The following SNX5 variants were observed in gnomAD, a reference collection of about 807,000 sequenced individuals.
SNX5 encodes sorting nexin-5.
SNX5 carries 31 observed loss-of-function variants against 53.9 expected under a neutral mutation model. That is an observed-to-expected ratio of 0.58 (90% CI 0.43 to 0.78). The LOEUF (loss-of-function observed/expected upper bound fraction) is 0.78, where lower values mean the gene tolerates loss of function less well. Among genes scored for constraint, SNX5 ranks in the 30% least tolerant of loss-of-function variants. The pLI is 0.00. For synonymous variants in SNX5, 168 were observed against 171.1 expected (o/e 0.98, Z 0.14); for missense variants, 471 against 478.8 (o/e 0.98, Z 0.15).
At position 17,968,683 on chromosome 20, in the gene SNX5, C is replaced by T. The variant is rs1370128268; in HGVS notation, c.-258G>A. On this transcript the variant is annotated 5_prime_UTR_variant, in exon 1 of 13. Transcript: ENST00000377759. ...CGTCCATCTTGGAGCCGGGCAAAGA[C>T]GCCACGTGGGGCCTACCCTTGCTCC... is the stretch of plus-strand genomic sequence containing the variant. 5.2e-6 allele frequency: 3 copies of T among 576,632 alleles called. 1 individual carries two copies. The highest frequency in any genetic ancestry group is 5.2e-5 in the South Asian group (3 of 58,068). 35.7% of individuals were successfully genotyped at this position (576,632 alleles called of 1,614,324 possible).
At chr20:17,947,296 C>A in intron 11 of SNX5, 190 bp downstream of exon 11, 1 of 564,082 alleles carries the variant, frequency 1.8e-6, no homozygotes, top group Non-Finnish European at 3.0e-6. Context: ...ACAGAAAAAC[C>A]AGGTGTGTAA....
intron 1 of SNX5, chr20:17,961,257 C>T (rs1468261933): frequency 1.1e-5 from 11 of 985,440 alleles, no homozygotes; most frequent in Non-Finnish European, 1.2e-5. Context: ...ATTTCACTTA[C>T]GACTCTACCA....
Position 17,956,856 on chromosome 20 carries a change from G to C in SNX5, c.156+77C>G, listed in dbSNP as rs924066517. 50 of 801,446 alleles carry C rather than the reference G, an allele frequency of 6.2e-5. No individual in the cohort carries two copies. In the Admixed American group the frequency reaches 8.3e-4, roughly 13 times the overall value. The allele number at this position is 801,446 out of a possible 1,614,324, so 49.6% of individuals were successfully genotyped here. ...GAATAGCAACTGTTTCAAGCTCAGG[G>C]AATCTCTTCTCACATCCACTGTGAA... On this transcript the variant is annotated intron_variant, in intron 2 of 12. Coordinates refer to ENST00000377759, the MANE Select transcript of SNX5 (RefSeq NM_014426.4).
intron 1 of SNX5, among the ~76,000 whole-genome samples, chr20:17,964,240 G>T (rs2035502038): frequency 6.6e-6 from 1 of 152,164 alleles, no homozygotes; most frequent in African/African-American, 2.4e-5. Flanking sequence ...CCTGACAAGG[G>T]AGCCATCTGG....
At position 17,955,270 on chromosome 20, in the gene SNX5, C is replaced by T. The variant is rs2035333826; in HGVS notation, c.267+95G>A. 3 of 821,150 alleles carry T rather than the reference C, an allele frequency of 3.7e-6. No homozygotes were observed. In the African/African-American group the frequency reaches 5.2e-5, roughly 14 times the overall value. The allele number at this position is 821,150 out of a possible 1,614,324, so 50.9% of individuals were successfully genotyped here. A position where few individuals can be genotyped will look rare whatever the true frequency, so the allele number is the denominator to read the frequency against. ...AGTAGGTAGATGAAATCTAACTTTT[C>T]ACAATCCATTAAAAAAAGTGGATAT... On this transcript the variant is annotated intron_variant, in intron 3 of 12. Coordinates refer to ENST00000377759, the MANE Select transcript of SNX5 (RefSeq NM_014426.4).
intron 1 of SNX5, among the ~76,000 whole-genome samples, chr20:17,960,661 C>CA (rs1283794901): frequency 6.6e-6 from 1 of 151,842 alleles, no homozygotes; most frequent in East Asian, 1.9e-4. Context: ...CCTGTAATCC[C>CA]AGCTACTCAG....
chr20:17,956,685 A>AC (rs2035363066), intron 2 of SNX5, among the ~76,000 whole-genome samples: 3 of 73,982 alleles, frequency 4.1e-5, no homozygotes, highest in Non-Finnish European at 9.6e-5. Flanking sequence ...AAAAAAAAAA[A>AC]AAAAAAAAAA....
chr20:17,968,370 C>A lies in SNX5; in HGVS notation c.51+5G>T. 7.8e-7 allele frequency: 1 copy of A among 1,273,926 alleles called. No individual in the cohort carries two copies. Among genetic ancestry groups the A allele is most frequent in the South Asian group, 3.3e-5 (1 of 30,636 alleles). The allele number at this position is 1,273,926 out of a possible 1,614,324, so 78.9% of individuals were successfully genotyped here. On this transcript the variant is annotated splice_donor_5th_base_variant and intron_variant, in intron 1 of 12. Transcript: ENST00000377759. ...CCCAGGAGTCTGAGGCTGGGAGGAC[C>A]TCACCTTGCTGCGGTCCTCCTCCTG...
rs569155103 is a variant in SNX5 at position 17,958,052 on chromosome 20, G to A, written c.52-1015C>T. Reference sequence around the variant, plus strand: ...GGAGAGAACAGTGGCAGCACTAATAGGAACTGGGCTATTAGGGAAAAGTGA... The same window carrying A: ...GGAGAGAACAGTGGCAGCACTAATAAGAACTGGGCTATTAGGGAAAAGTGA... On this transcript the variant is annotated intron_variant, in intron 1 of 12. Coordinates refer to ENST00000377759, the MANE Select transcript of SNX5 (RefSeq NM_014426.4). Among the ~76,000 whole-genome samples, 158 of 149,140 alleles carry A rather than the reference G, an allele frequency of 1.1e-3. 1 individual carries two copies. Among genetic ancestry groups the A allele is most frequent in the African/African-American group, 3.8e-3 (154 of 40,738 alleles).
intron 12 of SNX5, 158 bp from the exon 13 acceptor site, chr20:17,942,565 T>C: frequency 1.5e-6 from 1 of 648,750 alleles, no homozygotes; most frequent in Non-Finnish European, 2.8e-6. Flanking sequence ...AACTGCAACG[T>C]ACCACGCATC....
intron 1 of SNX5, among the ~76,000 whole-genome samples, chr20:17,965,562 C>G (rs2035523784): frequency 6.6e-6 from 1 of 150,910 alleles, no homozygotes; most frequent in African/African-American, 2.4e-5. Context: ...CCCAGCTACT[C>G]AGGAGGCTGA....
chr20:17,945,697 C>CA (rs1375615785), intron 11 of SNX5, among the ~76,000 whole-genome samples: 2 of 152,028 alleles, frequency 1.3e-5, no homozygotes, highest in African/African-American at 4.8e-5. Flanking sequence ...AACACAGCCT[C>CA]AGAGCCTGTC....
intron 1 of SNX5, among the ~76,000 whole-genome samples, chr20:17,959,543 T>A (rs1052137737): frequency 6.6e-6 from 1 of 152,084 alleles, no homozygotes; most frequent in African/African-American, 2.4e-5. Flanking sequence ...GACATGACAG[T>A]CCTAACCACC....
intron 4 of SNX5, 55 bp from the exon 5 acceptor site, chr20:17,952,765 A>G (rs1197235897): frequency 9.4e-6 from 15 of 1,593,350 alleles, no homozygotes; most frequent in Non-Finnish European, 1.3e-5. Context: ...TACCTGACCA[A>G]TACCACTCCT....
intron 12 of SNX5, chr20:17,942,734 C>T (rs1910290373): frequency 2.5e-6 from 1 of 397,968 alleles, no homozygotes; most frequent in Non-Finnish European, 4.5e-6. Context: ...TCCATGAAGG[C>T]AAGGGCCTTG....
rs2035608513 is a variant in SNX5, at chr20:17,968,456, G to A, written c.-31C>T. 2.3e-6 allele frequency: 3 copies of A among 1,289,740 alleles called. No individual in the cohort carries two copies. The highest frequency in any genetic ancestry group is 4.2e-5 in the Admixed American group (1 of 23,890). 79.9% of individuals were successfully genotyped at this position (1,289,740 alleles called of 1,614,324 possible). A position where few individuals can be genotyped will look rare whatever the true frequency, so the allele number is the denominator to read the frequency against. On this transcript the variant is annotated 5_prime_UTR_variant, in exon 1 of 13. Coordinates refer to ENST00000377759, the MANE Select transcript of SNX5 (RefSeq NM_014426.4). The stretch of plus-strand genomic sequence containing the variant: ...CGCGGGACTCGAGCAGGGGCCGCCT[G>A]GCTGTGCGAGGAAAGAAGAAGCTGG...
chr20:17,947,636 A>AT lies in SNX5; in HGVS notation c.927dup (p.Tyr310IlefsTer9), dbSNP rs2039505429. The AT allele has an allele frequency of 6.2e-7, 1 of 1,610,530 alleles. No homozygotes were observed. Among genetic ancestry groups the AT allele is most frequent in the Non-Finnish European group, 8.5e-7 (1 of 1,179,010 alleles). On this transcript the variant is annotated frameshift_variant, in exon 11 of 13. Transcript: ENST00000377759. LOFTEE classifies it high-confidence loss of function. ...TCAATGAGGGCTTTGGTGCGTCTGTATAAGAGATCCTGGGAAAAAAATTAA... is the reference window on the plus strand; with the variant it reads ...TCAATGAGGGCTTTGGTGCGTCTGTATTAAGAGATCCTGGGAAAAAAATTAA...
At position 17,956,689 on chromosome 20, in the gene SNX5, AAAAAAAAAAAAAAAAC is replaced by A. The variant is rs1407048094; in HGVS notation, c.156+228_156+243del. Among the ~76,000 whole-genome samples the A allele has an allele frequency of 7.4e-4, 108 of 145,562 alleles. 1 individual carries two copies. The East Asian group carries it at 0.011, about 15-fold the overall frequency. On this transcript the variant is annotated intron_variant, in intron 2 of 12. Transcript: ENST00000377759. ...GACTGTCTCCAAAAAAAAAAAAAAA[AAAAAAAAAAAAAAAAC>A]AAAAAAACAATGCCCACAGCCCAGG...
intron 11 of SNX5, chr20:17,944,478 A>C (rs2122340539): frequency 6.6e-6 from 1 of 152,306 alleles, no homozygotes; most frequent in Non-Finnish European, 1.5e-5. Flanking sequence ...ACAGTGAAAA[A>C]CTGCTACACG....
Sources: allele counts gnomAD v4.1 joint callset (sites outside exome capture counted in the v4.1 genomes callset), GRCh38; gene constraint gnomAD v4.1.1; transcripts MANE v1.5; gene names NCBI Gene and HGNC (gene_info 2026-07-23, HGNC 2026-07-21).